TFAP2D: variants seen among roughly 807,000 people sequenced by gnomAD.
The protein encoded by TFAP2D is transcription factor AP-2-delta.
Under a neutral mutation model 43.6 loss-of-function variants are expected in TFAP2D, and 9 were observed. That is an observed-to-expected ratio of 0.21 (90% CI 0.12 to 0.36). The LOEUF is 0.36. Ranked by LOEUF, TFAP2D falls within the 10% of genes least tolerant of loss-of-function variation. TFAP2D has a pLI of 1.00. For synonymous variants in TFAP2D, 256 were observed against 224.9 expected (o/e 1.14, Z -1.24); for missense variants, 513 against 561.4 (o/e 0.91, Z 0.87).
chr6:50,772,173 A>G lies in TFAP2D; in HGVS notation c.1140-472A>G, dbSNP rs1769537786. Among the ~76,000 whole-genome samples the G allele has an allele frequency of 3.3e-5, 5 of 151,998 alleles. No homozygotes were observed. In the South Asian group the frequency reaches 1.0e-3, roughly 32 times the overall value. ...AACCAAACACTGCATGTTCTCACTC[A>G]TAGGTGGGAATTGAACAATGAGAAC... On this transcript the variant is annotated intron_variant, in intron 7 of 7. Transcript: ENST00000008391.
rs1449450621 is a variant in TFAP2D, at chr6:50,772,917, A to AAT, written c.*62_*63dup. Reference sequence around the variant, plus strand: ...GAGTCTTGCTGCTGATATTTTTTCTAATATATATATCATTGAGGGTGACTA... The same window carrying AAT: ...GAGTCTTGCTGCTGATATTTTTTCTAATATATATATATCATTGAGGGTGACTA... On this transcript the variant is annotated 3_prime_UTR_variant, in exon 8 of 8. Transcript: ENST00000008391. 9 of 1,501,346 alleles carry AAT rather than the reference A, an allele frequency of 6.0e-6. No individual in the cohort carries two copies. In the South Asian group the frequency reaches 6.0e-5, roughly 10 times the overall value. 93.0% of individuals were successfully genotyped at this position (1,501,346 alleles called of 1,614,324 possible).
intron 3 of TFAP2D, among the ~76,000 whole-genome samples, chr6:50,727,595 A>G (rs2114036848): frequency 6.6e-6 from 1 of 152,312 alleles, no homozygotes; most frequent in East Asian, 1.9e-4. Flanking sequence ...CAAGTTACAA[A>G]GTAAAAATAT....
intron 5 of TFAP2D, among the ~76,000 whole-genome samples, chr6:50,736,937 A>G (rs1768972521): frequency 6.6e-6 from 1 of 151,938 alleles, no homozygotes; most frequent in African/African-American, 2.4e-5. Context: ...TCCTTTCAAA[A>G]CTTAATGGAT....
At chr6:50,767,526 A>G (rs969189036) in intron 7 of TFAP2D, among the ~76,000 whole-genome samples, 12 of 152,038 alleles carry the variant, frequency 7.9e-5, no homozygotes, top group African/African-American at 2.2e-4. Context: ...GGGGATTGTT[A>G]CTTCTTTCTC....
chr6:50,740,456 TGTA>T (rs1328486757), intron 5 of TFAP2D, among the ~76,000 whole-genome samples: 1 of 152,058 alleles, frequency 6.6e-6, no homozygotes, highest in Non-Finnish European at 1.5e-5. Flanking sequence ...TGTTTTGAGA[TGTA>T]GTCTCACTTT....
intron 3 of TFAP2D, among the ~76,000 whole-genome samples, chr6:50,727,907 C>T (rs1278639970): frequency 6.6e-6 from 1 of 152,116 alleles, no homozygotes; most frequent in African/African-American, 2.4e-5. Flanking sequence ...GTGGGAAATG[C>T]TTCTCAGAGA....
chr6:50,757,142 A>G (rs1769276371), intron 7 of TFAP2D, among the ~76,000 whole-genome samples: 1 of 151,388 alleles, frequency 6.6e-6, no homozygotes, highest in Non-Finnish European at 1.5e-5. Context: ...CGTTATTTCT[A>G]GTAGAATTAT....
intron 5 of TFAP2D, among the ~76,000 whole-genome samples, chr6:50,742,954 A>AAC (rs3060372): frequency 0.11 from 15,873 of 139,562 alleles, 899 homozygotes; most frequent in African/African-American, 0.13. Context: ...ACGACTTTAA[A>AAC]ACACACACAC....
Position 50,713,713 on chromosome 6 carries a change from C to A in TFAP2D, c.-343C>A. On this transcript the variant is annotated 5_prime_UTR_variant, in exon 1 of 8. In the 5' UTR this introduces an upstream ATG that the reference lacks. Transcript: ENST00000008391. ...CCTTGTCTCCTGGGATAAATCTCTT[C>A]TGCCTATTGTCCTCCCAGTTCTCAG... 2.8e-6 allele frequency: 1 copy of A among 351,758 alleles called. No homozygotes were observed. The allele number at this position is 351,758 out of a possible 1,614,324, so 21.8% of individuals were successfully genotyped here.
At chr6:50,747,276 C>T (rs551655666) in intron 6 of TFAP2D, among the ~76,000 whole-genome samples, 1 of 151,930 alleles carries the variant, frequency 6.6e-6, no homozygotes, top group Admixed American at 6.6e-5. Context: ...TTTGCATTAC[C>T]GTAGGAGAAA....
chr6:50,772,650 TCACTCATGGCTTTGGGACTCCGG>T lies in TFAP2D; in HGVS notation c.1148_1170del (p.Thr383AsnfsTer14). 6.2e-7 allele frequency: 1 copy of T among 1,613,816 alleles called. No individual in the cohort carries two copies. Among genetic ancestry groups the T allele is most frequent in the Non-Finnish European group, 8.5e-7 (1 of 1,179,760 alleles). On this transcript the variant is annotated frameshift_variant, in exon 8 of 8. Coordinates refer to ENST00000008391, the MANE Select transcript of TFAP2D (RefSeq NM_172238.4). LOFTEE classifies it high-confidence loss of function. ...CTATCACTTCTCATTTCCAGTTTGATCACTCATGGCTTTGGGACTCCGGCAATATGTGCAGCTCTAAGCACTTT... is the reference window on the plus strand; with the variant it reads ...CTATCACTTCTCATTTCCAGTTTGATCAATATGTGCAGCTCTAAGCACTTT...
At chr6:50,726,989 G>A (rs189308330) in intron 3 of TFAP2D, among the ~76,000 whole-genome samples, 113 of 152,294 alleles carry the variant, frequency 7.4e-4, no homozygotes, top group African/African-American at 2.6e-3. Context: ...TTAATTTGAC[G>A]ATTGAGATTT....
At position 50,715,505 on chromosome 6, in the gene TFAP2D, T is replaced by G; in HGVS notation, c.429T>G (p.His143Gln). Residue 143 changes from histidine to glutamine, a missense_variant, in exon 2 of 8, where the codon CAT (histidine) becomes CAG (glutamine). Around this residue, in one of 3 missense-constraint regions of TFAP2D, gnomAD observed 311 missense variants for 316.2 expected, o/e 0.98. Coordinates refer to ENST00000008391, the MANE Select transcript of TFAP2D (RefSeq NM_172238.4). The part of the protein sequence containing the change: ...ELGCLDAYRR[H>Q]DLSLMSHGSQ... ...GCTGCCTCGATGCCTACCGCCGCCATGACCTGTCCCTCATGAGCCATGGCT... is the reference window on the plus strand; with the variant it reads ...GCTGCCTCGATGCCTACCGCCGCCAGGACCTGTCCCTCATGAGCCATGGCT... The G allele has an allele frequency of 6.2e-7, 1 of 1,613,516 alleles. No homozygotes were observed. The highest frequency in any genetic ancestry group is 8.5e-7 in the Non-Finnish European group (1 of 1,180,030).
intron 3 of TFAP2D, among the ~76,000 whole-genome samples, chr6:50,724,839 G>GT (rs1768785328): frequency 1.3e-5 from 2 of 152,008 alleles, no homozygotes; most frequent in South Asian, 2.1e-4. Context: ...CGGGGTAGTT[G>GT]TTTTTTTAAA....
At chr6:50,737,119 C>T (rs534470781) in intron 5 of TFAP2D, among the ~76,000 whole-genome samples, 1 of 151,930 alleles carries the variant, frequency 6.6e-6, no homozygotes, top group African/African-American at 2.4e-5. Context: ...TAGCTGAGAC[C>T]ACAGACACAT....
chr6:50,767,109 A>G (rs1769456959), intron 7 of TFAP2D, among the ~76,000 whole-genome samples: 1 of 152,248 alleles, frequency 6.6e-6, no homozygotes, highest in Non-Finnish European at 1.5e-5. Flanking sequence ...TTCTAAAATC[A>G]TATCATCTGC....
rs927423711 is a variant in TFAP2D, at chr6:50,757,201, G to C, written c.1139+5877G>C. ...ATGGCAGGTAGTGAAAAGATGACTAGAGGATTATCCCATTCTTTAGAACTT... is the reference window on the plus strand; with the variant it reads ...ATGGCAGGTAGTGAAAAGATGACTACAGGATTATCCCATTCTTTAGAACTT... On this transcript the variant is annotated intron_variant, in intron 7 of 7. Transcript: ENST00000008391. Among the ~76,000 whole-genome samples, 8 of 149,554 alleles carry C rather than the reference G, an allele frequency of 5.3e-5. No individual in the cohort carries two copies. In the Admixed American group the frequency reaches 5.4e-4, roughly 10 times the overall value.
chr6:50,767,672 G>A (rs1581780206), intron 7 of TFAP2D, among the ~76,000 whole-genome samples: 1 of 152,166 alleles, frequency 6.6e-6, no homozygotes, highest in East Asian at 1.9e-4. Context: ...GTTTCTTTGA[G>A]TGGAATTTCA....
intron 7 of TFAP2D, among the ~76,000 whole-genome samples, chr6:50,771,672 C>T (rs896051910): frequency 4.3e-4 from 66 of 152,018 alleles, no homozygotes; most frequent in Non-Finnish European, 8.2e-4. Flanking sequence ...ATAATTAGTG[C>T]GTATCAATCA....
Sources: allele counts gnomAD v4.1 joint callset (sites outside exome capture counted in the v4.1 genomes callset), GRCh38; gene constraint gnomAD v4.1.1; regional missense constraint gnomAD v4.1.1; transcripts MANE v1.5; gene names NCBI Gene and HGNC (gene_info 2026-07-23, HGNC 2026-07-21).